VWA5B1: variants seen among roughly 807,000 people sequenced by gnomAD.
The protein encoded by VWA5B1 is von Willebrand factor A domain-containing protein 5B1.
Under a neutral mutation model 118.2 loss-of-function variants are expected in VWA5B1, and 115 were observed. The observed-to-expected ratio is 0.97, with a 90% CI of 0.84 to 1.14. The LOEUF is 1.14. Ranked by LOEUF, VWA5B1 falls within the 50% of genes most tolerant of loss-of-function variation. The pLI is 0.00. For synonymous variants in VWA5B1, 682 were observed against 658.4 expected (o/e 1.04, Z -0.55); for missense variants, 1,596 against 1,603.8 (o/e 1.00, Z 0.08).
intron 18 of VWA5B1, 53 bp downstream of exon 18, chr1:20,348,411 GC>G: frequency 6.5e-7 from 1 of 1,533,766 alleles, no homozygotes; most frequent in Non-Finnish European, 8.8e-7. Flanking sequence ...GGAAGCCTGG[GC>G]CCCTGAGGTT....
chr1:20,317,744 A>C, intron 5 of VWA5B1, 69 bp downstream of exon 5: 35 of 555,576 alleles, frequency 6.3e-5, no homozygotes, highest in Non-Finnish European at 1.1e-4. Flanking sequence ...CAGGGATGGG[A>C]CGGGGGTGGG....
At position 20,359,236 on chromosome 1, in the gene VWA5B1, C is replaced by A. The variant is rs935497365; in HGVS notation, c.*4973C>A. On this transcript the variant is annotated 3_prime_UTR_variant, in exon 22 of 22. Coordinates refer to ENST00000289815, the MANE Select transcript of VWA5B1 (RefSeq NM_001039500.3). ...CTGGTGCTTGTCCCCATCAGAGCCT[C>A]AAGTGCCTATGGCATGCTACCCGTG... Among the ~76,000 whole-genome samples the A allele has an allele frequency of 2.0e-5, 3 of 152,164 alleles. No individual in the cohort carries two copies. Among genetic ancestry groups the A allele is most frequent in the Admixed American group, 2.0e-4 (3 of 15,280 alleles).
chr1:20,319,627 G>T, intron 7 of VWA5B1, 121 bp downstream of exon 7: 1 of 1,407,902 alleles, frequency 7.1e-7, no homozygotes, highest in Non-Finnish European at 9.5e-7. Context: ...CAAGCTGGAG[G>T]CAGACACCAG....
intron 2 of VWA5B1, among the ~76,000 whole-genome samples, chr1:20,312,580 C>T (rs946009998): frequency 6.6e-6 from 1 of 152,220 alleles, no homozygotes; most frequent in Non-Finnish European, 1.5e-5. Context: ...TGTTTTCACT[C>T]TCTTGGAAAA....
intron 1 of VWA5B1, among the ~76,000 whole-genome samples, chr1:20,305,585 A>G (rs1263750119): frequency 6.6e-6 from 1 of 152,092 alleles, no homozygotes; most frequent in Non-Finnish European, 1.5e-5. Context: ...GGACACAGAG[A>G]GTTTCAGGAG....
At chr1:20,297,570 C>T (rs10916754) in intron 1 of VWA5B1, among the ~76,000 whole-genome samples, 31,303 of 152,178 alleles carry the variant, frequency 0.21, 3,550 homozygotes, top group East Asian at 0.54. Context: ...TATTTAAGAG[C>T]GGGGCATCAT....
intron 14 of VWA5B1, among the ~76,000 whole-genome samples, chr1:20,341,152 G>A (rs1342987178): frequency 1.3e-5 from 2 of 152,148 alleles, no homozygotes; most frequent in South Asian, 2.1e-4. Flanking sequence ...GTTGTGTGAC[G>A]TTCCATTGCA....
intron 1 of VWA5B1, among the ~76,000 whole-genome samples, chr1:20,309,504 C>A (rs576091363): frequency 1.3e-5 from 2 of 152,296 alleles, no homozygotes; most frequent in Admixed American, 1.3e-4. Flanking sequence ...ATGGAAGGAA[C>A]AGGACACATG....
intron 3 of VWA5B1, 118 bp downstream of exon 3, chr1:20,313,106 G>T: frequency 7.5e-7 from 1 of 1,336,550 alleles, no homozygotes; most frequent in South Asian, 1.5e-5. Context: ...AAAGAGCACT[G>T]AACTAGTCAA....
chr1:20,325,930 TC>T (rs1272580929), intron 8 of VWA5B1, among the ~76,000 whole-genome samples: 6 of 152,068 alleles, frequency 3.9e-5, no homozygotes, highest in Non-Finnish European at 8.8e-5. Context: ...AAAATAGAAA[TC>T]CAAAGAGCTT....
At chr1:20,291,165 A>AGTGTGTGTGTGTGTGTGTGTGTGTGT (rs71585753) in intron 1 of VWA5B1, 77 bp downstream of exon 1, 2 of 134,856 alleles carry the variant, frequency 1.5e-5, no homozygotes, top group African/African-American at 7.0e-5. Flanking sequence ...GGCATGCATG[A>AGTGTGTGTGTGTGTGTGTGTGTGTGT]GTGTGTGTGT....
Position 20,336,380 on chromosome 1 carries a change from A to T in VWA5B1, c.1836A>T (p.Gly612=). ...TCTTCTACCACTCTCAGGATGACGG[A>T]CCCGGGCTGGAAGGTGGAGACTGTG... ...SSVFYHSQDD[G]PGLEGGDCAK... is the part of the protein sequence containing the mutation. The change falls in exon 13 of 22, where the codon GGA becomes GGT. Residue 612 remains glycine (G), a synonymous_variant. Coordinates refer to ENST00000289815, the MANE Select transcript of VWA5B1 (RefSeq NM_001039500.3). 1 of 1,527,618 alleles carries T rather than the reference A, an allele frequency of 6.5e-7. No individual in the cohort carries two copies. The highest frequency in any genetic ancestry group is 1.3e-5 in the South Asian group (1 of 77,860). 94.6% of individuals were successfully genotyped at this position (1,527,618 alleles called of 1,614,324 possible).
chr1:20,315,508 A>G (rs2088979156), intron 4 of VWA5B1, among the ~76,000 whole-genome samples: 1 of 152,236 alleles, frequency 6.6e-6, no homozygotes, highest in Admixed American at 6.5e-5. Context: ...TATGAAAATA[A>G]GTGCTATAGG....
chr1:20,311,604 A>G (rs1480705280), intron 2 of VWA5B1, among the ~76,000 whole-genome samples: 1 of 152,190 alleles, frequency 6.6e-6, no homozygotes, highest in Admixed American at 6.5e-5. Context: ...TTGTAAATCA[A>G]ACTCCTCTCC....
At chr1:20,348,439 C>T (rs992288605) in intron 18 of VWA5B1, 81 bp downstream of exon 18, 224 of 1,420,872 alleles carry the variant, frequency 1.6e-4, no homozygotes, top group Non-Finnish European at 2.0e-4. Flanking sequence ...TCCTCCTGTC[C>T]GAGGCCCTAG....
intron 3 of VWA5B1, among the ~76,000 whole-genome samples, chr1:20,313,202 T>C (rs1195612352): frequency 1.3e-5 from 2 of 152,208 alleles, no homozygotes; most frequent in East Asian, 1.9e-4. Flanking sequence ...ACAGAGGTAA[T>C]TGACTTTCTG....
intron 1 of VWA5B1, among the ~76,000 whole-genome samples, chr1:20,309,461 G>A (rs999543619): frequency 1.8e-4 from 28 of 152,340 alleles, no homozygotes; most frequent in African/African-American, 6.0e-4. Context: ...TGAGCATGGG[G>A]TGGGCCTTCC....
chr1:20,327,731 T>G (rs766294504), intron 8 of VWA5B1, among the ~76,000 whole-genome samples, 159 bp from the exon 9 acceptor site: 1 of 151,928 alleles, frequency 6.6e-6, no homozygotes, highest in Non-Finnish European at 1.5e-5. Context: ...GTCAGCAAAT[T>G]TCTTGATGTG....
rs767987500 is a variant in VWA5B1 at position 20,291,339 on chromosome 1, C to CTCTTTCTTTCTTTCTT, written c.-27+259_-27+274dup. Among the ~76,000 whole-genome samples the CTCTTTCTTTCTTTCTT allele has an allele frequency of 9.2e-4, 124 of 135,116 alleles. 2 individuals carry two copies. Among genetic ancestry groups the CTCTTTCTTTCTTTCTT allele is most frequent in the African/African-American group, 3.2e-3 (112 of 34,746 alleles). The allele number at this position is 135,116 out of a possible 152,430, so 88.6% of individuals were successfully genotyped here. On this transcript the variant is annotated intron_variant, in intron 1 of 21. Transcript: ENST00000289815. ...GCTACTCAGGTCCAGCTCTCTCTCTCTCTTTCTTTCTTTCTTTCTTTCTCT... is the reference window on the plus strand; with the variant it reads ...GCTACTCAGGTCCAGCTCTCTCTCTCTCTTTCTTTCTTTCTTTCTTTCTTTCTTTCTTTCTTTCTCT...
Sources: allele counts gnomAD v4.1 joint callset (sites outside exome capture counted in the v4.1 genomes callset), GRCh38; gene constraint gnomAD v4.1.1; transcripts MANE v1.5; gene names NCBI Gene and HGNC (gene_info 2026-07-23, HGNC 2026-07-21).